Variants in RBPJ observed in about 807,000 individuals in gnomAD.
RBPJ encodes recombination signal binding protein for immunoglobulin kappa J region, also known as recombining binding protein suppressor of hairless.
A neutral mutation model predicts 67.8 loss-of-function variants in RBPJ; 9 were observed. The ratio of observed to expected loss-of-function variants is 0.13; its 90% CI spans 0.08 to 0.23. RBPJ has a LOEUF of 0.23. RBPJ is among the 10% of genes least tolerant of loss of function. The pLI is 1.00. For synonymous variants in RBPJ, 198 were observed against 203.3 expected, an observed-to-expected ratio of 0.97 and a Z score of 0.22; for missense variants, 305 against 595.6, an observed-to-expected ratio of 0.51 and a Z score of 5.08.
intron 1 of RBPJ, among the ~76,000 whole-genome samples, chr4:26,364,846 C>T (rs986423524): frequency 9.2e-5 from 14 of 151,636 alleles, no homozygotes; most frequent in Admixed American, 2.0e-4. Context: ...AGGCTGGTCT[C>T]GAACTCCTGA....
At chr4:26,207,429 G>A (rs904942627) in intron 1 of RBPJ, among the ~76,000 whole-genome samples, 1 of 152,124 alleles carries the variant, frequency 6.6e-6, no homozygotes, top group Admixed American at 6.6e-5. Context: ...CAAGTGGATT[G>A]CACACACACA....
chr4:26,404,149 T>G (rs1234882005), intron 2 of RBPJ, among the ~76,000 whole-genome samples: 1 of 152,114 alleles, frequency 6.6e-6, no homozygotes, highest in Non-Finnish European at 1.5e-5. Flanking sequence ...TTTTTTCATA[T>G]GCTTGTTGGC....
intron 5 of RBPJ, among the ~76,000 whole-genome samples, chr4:26,422,410 G>T (rs914619505): frequency 1.3e-5 from 2 of 152,118 alleles, no homozygotes; most frequent in African/African-American, 4.8e-5. Flanking sequence ...GTTAGCTGGA[G>T]TTTTTTCTAC....
chr4:26,299,426 A>G (rs1721995831), intron 1 of RBPJ, among the ~76,000 whole-genome samples: 1 of 152,166 alleles, frequency 6.6e-6, no homozygotes, highest in Non-Finnish European at 1.5e-5. Flanking sequence ...GAGTATAAGT[A>G]GATTTCACCA....
intron 1 of RBPJ, among the ~76,000 whole-genome samples, chr4:26,214,968 GAGGGAGGGA>G (rs1718618991): frequency 3.8e-5 from 1 of 26,616 alleles, no homozygotes; most frequent in Non-Finnish European, 5.9e-5. Flanking sequence ...AGGAGGGAGG[GAGGGAGGGA>G]AGGAAGGAGG....
intron 1 of RBPJ, among the ~76,000 whole-genome samples, chr4:26,215,189 G>A: frequency 1.6e-5 from 1 of 61,184 alleles, no homozygotes; most frequent in Non-Finnish European, 2.9e-5. Flanking sequence ...AAGGAAGGAA[G>A]GAAGGAAAAA....
In RBPJ at chr4:26,402,881, C is replaced by T. The variant is rs556954815; in HGVS notation, c.60-3294C>T. Among the ~76,000 whole-genome samples the T allele has an allele frequency of 3.9e-5, 6 of 152,236 alleles. No homozygotes were observed. In the East Asian group the frequency reaches 1.2e-3, roughly 29 times the overall value. ...CTGAATACTTTCAACTTGGAGGTCC[C>T]AGGGGCACTTCAGAGTTGACTTTTG... On this transcript the variant is annotated intron_variant, in intron 2 of 10. Transcript: ENST00000355476.
Position 26,430,732 on chromosome 4 carries a change from G to T in RBPJ, c.1189G>T (p.Ala397Ser). ...SMLCVVPDIS[A>S]FREGWRWVRQ... ...GCTCTGTGTCGTCCCAGACATTTCT[G>T]CATTCCGAGAAGGTTGGAGATGGGT... is the stretch of plus-strand genomic sequence containing the variant. The change falls in exon 11 of 11, where the codon GCA (alanine) becomes TCA (serine). Residue 397 changes from alanine to serine, a missense_variant. Ala to Ser is a moderately conservative substitution (Grantham distance 99). This residue lies in a region of RBPJ where 47 missense variants were observed against 128.2 expected (regional missense o/e 0.37). Coordinates refer to ENST00000355476, the MANE Select transcript of RBPJ (RefSeq NM_015874.6). The surrounding 1 kb of genome is among the most constrained non-coding windows in gnomAD (Gnocchi z 4.1). 1.2e-6 allele frequency: 2 copies of T among 1,614,062 alleles called. No homozygotes were observed. The highest frequency in any genetic ancestry group is 1.7e-6 in the Non-Finnish European group (2 of 1,180,012).
chr4:26,307,299 G>C (rs1722270160), intron 1 of RBPJ, among the ~76,000 whole-genome samples: 1 of 152,184 alleles, frequency 6.6e-6, no homozygotes, highest in African/African-American at 2.4e-5. Flanking sequence ...CTAGAAAGCT[G>C]TTGCATGTTA....
At chr4:26,265,872 A>T (rs1186527366) in intron 1 of RBPJ, among the ~76,000 whole-genome samples, 1 of 152,076 alleles carries the variant, frequency 6.6e-6, no homozygotes, top group Non-Finnish European at 1.5e-5. Context: ...CCCCTTCTCT[A>T]CTAAAAATAC....
chr4:26,125,972 G>A, the RBPJ span, among the ~76,000 whole-genome samples: 1 of 152,016 alleles, frequency 6.6e-6, no homozygotes, highest in African/African-American at 2.4e-5. Context: ...CTCCTCTATG[G>A]TGTCTGTCAC....
intron 1 of RBPJ, among the ~76,000 whole-genome samples, chr4:26,295,270 G>GT (rs1491558324): frequency 3.1e-4 from 47 of 151,426 alleles, no homozygotes; most frequent in African/African-American, 9.3e-4. Context: ...GTGTGTGTGT[G>GT]GGTGTGTGTG....
chr4:26,190,565 C>A (rs1313067245), intron 1 of RBPJ, among the ~76,000 whole-genome samples: 2 of 152,160 alleles, frequency 1.3e-5, no homozygotes, highest in South Asian at 2.1e-4. Flanking sequence ...AAAGGGAGAA[C>A]CTGCAGGGAC....
At chr4:26,170,707 T>C (rs924003295) in intron 1 of RBPJ, among the ~76,000 whole-genome samples, 1 of 152,166 alleles carries the variant, frequency 6.6e-6, no homozygotes, top group Non-Finnish European at 1.5e-5. Context: ...AAATGATAAT[T>C]TATGCGACCT....
At chr4:26,391,311 A>T (rs1043989881) in intron 2 of RBPJ, among the ~76,000 whole-genome samples, 1 of 152,252 alleles carries the variant, frequency 6.6e-6, no homozygotes, top group Non-Finnish European at 1.5e-5. Flanking sequence ...CCATTGTGAC[A>T]GAATAGTGGC....
At chr4:26,309,898 C>A (rs1426576207) in intron 1 of RBPJ, among the ~76,000 whole-genome samples, 1 of 152,184 alleles carries the variant, frequency 6.6e-6, no homozygotes, top group East Asian at 1.9e-4. Context: ...ATTACATTAG[C>A]TACAAAAACT....
chr4:26,145,862 T>C, the RBPJ span, among the ~76,000 whole-genome samples: 95 of 152,324 alleles, frequency 6.2e-4, no homozygotes, highest in Middle Eastern at 3.4e-3. Flanking sequence ...AAGAAAATCA[T>C]CAAATAGACA....
At chr4:26,126,504 C>A in the RBPJ span, among the ~76,000 whole-genome samples, 1 of 152,224 alleles carries the variant, frequency 6.6e-6, no homozygotes, top group African/African-American at 2.4e-5. Context: ...CAATCAGATG[C>A]TTTCCTGGGA....
chr4:26,395,417 C>A (rs1477386723), intron 2 of RBPJ, among the ~76,000 whole-genome samples: 1 of 152,146 alleles, frequency 6.6e-6, no homozygotes, highest in East Asian at 1.9e-4. Context: ...CCACTTTACT[C>A]CAGCTTGGGT....
Sources: gnomAD v4.1 joint callset for allele counts (sites outside exome capture counted in the v4.1 genomes callset) on GRCh38, gnomAD v4.1.1 for gene constraint, gnomAD v4.1.1 regional missense constraint, Gnocchi (gnomAD v3.1) non-coding constraint, MANE v1.5 for transcripts, NCBI Gene and HGNC (gene_info 2026-07-23, HGNC 2026-07-21) for gene names.